PHF8: variants seen among roughly 807,000 people sequenced by gnomAD.
PHF8 encodes the protein PHD finger protein 8, also known as histone lysine demethylase PHF8.
A neutral mutation model predicts 74.4 loss-of-function variants in PHF8; 9 were observed. The ratio of observed to expected loss-of-function variants is 0.12; its 90% CI spans 0.07 to 0.21. The LOEUF is 0.21. Among genes scored for constraint, PHF8 ranks in the 10% least tolerant of loss-of-function variants. PHF8 has a pLI of 1.00. For synonymous variants in PHF8, 311 were observed against 316.6 expected (o/e 0.98, Z 0.19); for missense variants, 478 against 816.6 (o/e 0.59, Z 5.05).
intron 2 of PHF8, among the ~76,000 whole-genome samples, chrX:54,038,586 A>C (rs782348939): frequency 8.9e-6 from 1 of 112,120 alleles, no homozygotes; most frequent in South Asian, 3.7e-4. Flanking sequence ...TGTACAAATC[A>C]AAGTGTTTTT....
At chrX:54,008,281 C>T (rs188049621) in intron 8 of PHF8, among the ~76,000 whole-genome samples, 24 of 107,694 alleles carry the variant, frequency 2.2e-4, no homozygotes, top group African/African-American at 7.8e-4. Flanking sequence ...GCCAGAGAAT[C>T]GCTTGAACCT....
Position 54,044,426 on chromosome X carries a change from C to T in PHF8, c.-757G>A. On this transcript the variant is annotated 5_prime_UTR_variant, in exon 1 of 22. Coordinates refer to ENST00000338154, the MANE Select transcript of PHF8 (RefSeq NM_015107.3). Reference sequence around the variant, plus strand: ...TACCATGTTGAGAGTGGCGGCGCTACCCAGACAACCAAGGCGACCGCCATC... The same window carrying T: ...TACCATGTTGAGAGTGGCGGCGCTATCCAGACAACCAAGGCGACCGCCATC... 1.3e-6 allele frequency: 1 copy of T among 752,989 alleles called. No homozygotes were observed. Among genetic ancestry groups the T allele is most frequent in the South Asian group, 6.7e-5 (1 of 14,869 alleles). 62.1% of individuals were successfully genotyped at this position (752,989 alleles called of 1,213,427 possible).
Position 54,044,373 on chromosome X carries a change from A to G in PHF8, c.-704T>C. 1.3e-6 allele frequency: 1 copy of G among 750,919 alleles called. No individual in the cohort carries two copies. The allele number at this position is 750,919 out of a possible 1,213,427, so 61.9% of individuals were successfully genotyped here. The stretch of plus-strand genomic sequence containing the variant: ...AAACAATGAGGAAGTTGAGGCGGAG[A>G]GGGGAGGAGAAATACGGGATAAACA... On this transcript the variant is annotated 5_prime_UTR_variant, in exon 1 of 22. Transcript: ENST00000338154.
intron 11 of PHF8, among the ~76,000 whole-genome samples, chrX:53,996,794 G>A (rs2065756305): frequency 1.8e-5 from 2 of 111,590 alleles, no homozygotes; most frequent in South Asian, 3.7e-4. Context: ...TGATCCACCC[G>A]CCTCGGCCTT....
intron 20 of PHF8, among the ~76,000 whole-genome samples, chrX:53,942,367 G>C (rs1360938558): frequency 1.8e-5 from 2 of 112,431 alleles, no homozygotes; most frequent in African/African-American, 3.2e-5. Context: ...ATGAGGCAAA[G>C]AGAAATTAAC....
chrX:53,997,144 T>C lies in PHF8; in HGVS notation c.1234-1362A>G, dbSNP rs182585432. ...AAGTCAAGGACCTCAGGGAGATCAGTGGGGACAAACCAGCCTCTCCACTTG... is the reference window on the plus strand; with the variant it reads ...AAGTCAAGGACCTCAGGGAGATCAGCGGGGACAAACCAGCCTCTCCACTTG... On this transcript the variant is annotated intron_variant, in intron 11 of 21. Coordinates refer to ENST00000338154, the MANE Select transcript of PHF8 (RefSeq NM_015107.3). 3.1e-3 allele frequency among the ~76,000 whole-genome samples: 347 copies of C among 111,571 alleles called. 2 individuals carry two copies. The highest frequency in any genetic ancestry group is 0.011 in the African/African-American group (334 of 30,738).
At chrX:53,998,408 C>T (rs1557103489) in intron 11 of PHF8, among the ~76,000 whole-genome samples, 2 of 111,088 alleles carry the variant, frequency 1.8e-5, no homozygotes, top group Non-Finnish European at 3.8e-5. Context: ...GAGCTGAGAT[C>T]GTGCCACTGC....
chrX:54,015,792 G>A (rs1345769163), intron 6 of PHF8, among the ~76,000 whole-genome samples: 2 of 110,707 alleles, frequency 1.8e-5, no homozygotes. Context: ...ATGATTTCTT[G>A]GTATTTCCCA....
chrX:54,009,312 A>G (rs955903754), intron 8 of PHF8, among the ~76,000 whole-genome samples: 1 of 111,594 alleles, frequency 9.0e-6, no homozygotes, highest in Non-Finnish European at 1.9e-5. Context: ...GATGTATCTC[A>G]ATTTTTCAAA....
chrX:54,047,170 C>T (rs1007770661), upstream of PHF8, among the ~76,000 whole-genome samples: 3 of 111,730 alleles, frequency 2.7e-5, no homozygotes, highest in Non-Finnish European at 5.6e-5. Flanking sequence ...AAAATTGGTC[C>T]AGGATAGTTT....
Position 53,963,068 on chromosome X carries a change from G to A in PHF8, c.2444-129C>T, listed in dbSNP as rs982893178. The A allele has an allele frequency of 8.7e-5, 45 of 516,379 alleles. 1 individual carries two copies. In the Admixed American group the frequency reaches 1.0e-3, roughly 12 times the overall value. 42.6% of individuals were successfully genotyped at this position (516,379 alleles called of 1,213,427 possible). A position where few individuals can be genotyped will look rare whatever the true frequency, so the allele number is the denominator to read the frequency against. On this transcript the variant is annotated intron_variant, in intron 18 of 21. Transcript: ENST00000338154. Reference sequence around the variant, plus strand: ...TTACTTAATCCATACTCAACTCCAAGAGTCTCTGAATGTACCACATACATT... The same window carrying A: ...TTACTTAATCCATACTCAACTCCAAAAGTCTCTGAATGTACCACATACATT...
chrX:53,956,302 G>C (rs782165912), intron 19 of PHF8, among the ~76,000 whole-genome samples: 62 of 111,483 alleles, frequency 5.6e-4, no homozygotes, highest in Admixed American at 3.9e-3. Flanking sequence ...GTGAATAAGT[G>C]AAATACCAGC....
intron 18 of PHF8, among the ~76,000 whole-genome samples, chrX:53,984,136 C>T (rs782486973): frequency 3.6e-5 from 4 of 112,305 alleles, no homozygotes; most frequent in African/African-American, 1.3e-4. Flanking sequence ...CCAAGGCAGG[C>T]GGGCAGATCA....
At chrX:54,026,542 G>A (rs782380937) in intron 2 of PHF8, among the ~76,000 whole-genome samples, 2 of 102,587 alleles carry the variant, frequency 1.9e-5, no homozygotes, top group East Asian at 5.7e-4. Flanking sequence ...TGTTGTTGTT[G>A]TTGTTGTTGT....
chrX:53,938,659 G>A lies in PHF8; in HGVS notation c.*499C>T, dbSNP rs2064702797. 1.3e-6 allele frequency: 1 copy of A among 757,768 alleles called. No individual in the cohort carries two copies. The highest frequency in any genetic ancestry group is 1.6e-6 in the Non-Finnish European group (1 of 641,601). The allele number at this position is 757,768 out of a possible 1,213,427, so 62.4% of individuals were successfully genotyped here. On this transcript the variant is annotated 3_prime_UTR_variant, in exon 22 of 22. Transcript: ENST00000338154. ...GGCAGAGACCACAGCCTTCTCCCAT[G>A]AGCAAGTCTGGAGGTGGGGCATGTC... is the stretch of plus-strand genomic sequence containing the variant.
At chrX:53,980,885 G>C (rs1450575628) in intron 18 of PHF8, among the ~76,000 whole-genome samples, 1 of 112,715 alleles carries the variant, frequency 8.9e-6, no homozygotes, top group Non-Finnish European at 1.9e-5. Context: ...AGAAACAAAA[G>C]ATGGCTGCTG....
At chrX:54,006,873 G>A (rs1002795582) in intron 8 of PHF8, among the ~76,000 whole-genome samples, 2 of 107,270 alleles carry the variant, frequency 1.9e-5, no homozygotes, top group African/African-American at 6.8e-5. Context: ...AGGAGGCTGA[G>A]GTTGCAGTGA....
chrX:54,041,612 C>T (rs1219439395), intron 2 of PHF8, among the ~76,000 whole-genome samples: 4 of 111,261 alleles, frequency 3.6e-5, no homozygotes, highest in African/African-American at 6.5e-5. Context: ...CTAACCTCTC[C>T]GGAATTCTGG....
chrX:54,042,891 T>C (rs1557116381), intron 1 of PHF8, 71 bp from the exon 2 acceptor site: 1 of 730,498 alleles, frequency 1.4e-6, no homozygotes, highest in East Asian at 4.6e-5. Flanking sequence ...CAACCCTCAG[T>C]TCTCCAATAG....
Sources: gnomAD v4.1 joint callset for allele counts (sites outside exome capture counted in the v4.1 genomes callset) on GRCh38, gnomAD v4.1.1 for gene constraint, MANE v1.5 for transcripts, NCBI Gene and HGNC (gene_info 2026-07-23, HGNC 2026-07-21) for gene names.